Variants in PSD3 observed in about 807,000 individuals in gnomAD.
PSD3 encodes PH and SEC7 domain-containing protein 3.
PSD3 carries 49 observed loss-of-function variants against 105.5 expected under a neutral mutation model. The ratio of observed to expected loss-of-function variants is 0.46; its 90% CI spans 0.37 to 0.59. The LOEUF is 0.59. Among genes scored for constraint, PSD3 ranks in the 20% least tolerant of loss-of-function variants. PSD3 has a pLI of 0.00. For missense variants in PSD3, 1,561 were observed against 1,263.8 expected (o/e 1.24, Z -3.57); for synonymous variants, 557 against 457.8 (o/e 1.22, Z -2.77).
chr8:18,793,562 C>T (rs532475294), intron 8 of PSD3, among the ~76,000 whole-genome samples: 11 of 151,932 alleles, frequency 7.2e-5, no homozygotes, highest in Non-Finnish European at 1.5e-4. Context: ...AACACGGCAC[C>T]AAGGAGATAG....
At chr8:19,055,834 A>C (rs1828692673) in intron 1 of PSD3, among the ~76,000 whole-genome samples, 1 of 152,186 alleles carries the variant, frequency 6.6e-6, no homozygotes, top group Non-Finnish European at 1.5e-5. Context: ...GATTACATTA[A>C]ACTTGATTGG....
At chr8:18,723,171 G>C (rs1220450707) in intron 9 of PSD3, among the ~76,000 whole-genome samples, 1 of 152,186 alleles carries the variant, frequency 6.6e-6, no homozygotes, top group African/African-American at 2.4e-5. Context: ...TCCGTGGGCA[G>C]TGCATGAACC....
intron 4 of PSD3, among the ~76,000 whole-genome samples, chr8:18,807,837 G>A (rs777099723): frequency 6.6e-6 from 1 of 152,112 alleles, no homozygotes; most frequent in Non-Finnish European, 1.5e-5. Context: ...TGGGTGTGGT[G>A]GCTGAAACCT....
At chr8:18,544,575 T>A (rs1800347662) in intron 15 of PSD3, among the ~76,000 whole-genome samples, 1 of 152,164 alleles carries the variant, frequency 6.6e-6, no homozygotes, top group African/African-American at 2.4e-5. Context: ...AAAGTGTGAA[T>A]TCCGTTCTTT....
Position 18,648,784 on chromosome 8 carries a change from T to C in PSD3, c.2216+6858A>G, listed in dbSNP as rs117050452. Among the ~76,000 whole-genome samples, 237 of 152,336 alleles carry C rather than the reference T, an allele frequency of 1.6e-3. 3 individuals are homozygous for C. The East Asian group carries it at 0.031, about 20-fold the overall frequency. On this transcript the variant is annotated intron_variant, in intron 10 of 15. Coordinates refer to ENST00000327040, the MANE Select transcript of PSD3 (RefSeq NM_015310.4). The stretch of plus-strand genomic sequence containing the variant: ...TAGGCCAGTCCCCGGGAAGTTTCAC[T>C]GCCCTATACTGCTCCCTGCATCCCA...
chr8:18,821,223 C>G (rs1812672212), intron 4 of PSD3, among the ~76,000 whole-genome samples: 1 of 150,724 alleles, frequency 6.6e-6, no homozygotes, highest in East Asian at 1.9e-4. Flanking sequence ...GCCAATTCCT[C>G]AAACAAGACC....
chr8:18,645,118 G>C (rs1807937130), intron 10 of PSD3, among the ~76,000 whole-genome samples: 2 of 152,226 alleles, frequency 1.3e-5, no homozygotes, highest in African/African-American at 4.8e-5. Flanking sequence ...AATTAGGGCA[G>C]AGCCCTTTTC....
chr8:18,644,140 T>C (rs1170711272), intron 10 of PSD3, among the ~76,000 whole-genome samples: 1 of 152,252 alleles, frequency 6.6e-6, no homozygotes, highest in East Asian at 1.9e-4. Flanking sequence ...ATTGTCTTGA[T>C]CTCTTGTATC....
intron 12 of PSD3, among the ~76,000 whole-genome samples, chr8:18,588,771 TC>T (rs758980503): frequency 6.6e-6 from 1 of 152,168 alleles, no homozygotes; most frequent in Non-Finnish European, 1.5e-5. Context: ...CCATTCTCCA[TC>T]TTGATGACTC....
chr8:18,688,252 G>T (rs1399329350), intron 9 of PSD3, among the ~76,000 whole-genome samples: 1 of 142,416 alleles, frequency 7.0e-6, no homozygotes, highest in Admixed American at 6.8e-5. Flanking sequence ...GATCACGTCA[G>T]GCTGTTTGTT....
chr8:18,542,788 G>A (rs559550622), intron 15 of PSD3, among the ~76,000 whole-genome samples: 44 of 152,252 alleles, frequency 2.9e-4, no homozygotes, highest in Non-Finnish European at 5.0e-4. Flanking sequence ...GCCCTTTCAG[G>A]TATGTGTCTT....
chr8:18,909,068 T>C (rs1349302495), intron 2 of PSD3, among the ~76,000 whole-genome samples: 2 of 152,202 alleles, frequency 1.3e-5, no homozygotes, highest in African/African-American at 4.8e-5. Flanking sequence ...ATGACAATTG[T>C]TCCAAGGGTA....
chr8:18,719,833 T>C (rs529613349), intron 9 of PSD3, among the ~76,000 whole-genome samples: 3 of 152,342 alleles, frequency 2.0e-5, no homozygotes, highest in South Asian at 2.1e-4. Flanking sequence ...TATATCTAGA[T>C]AGCAAAACTC....
chr8:18,620,750 A>G (rs1414762374), intron 11 of PSD3, among the ~76,000 whole-genome samples: 3 of 152,166 alleles, frequency 2.0e-5, no homozygotes, highest in Non-Finnish European at 4.4e-5. Flanking sequence ...AGAGTTTGAT[A>G]TTTCCATTAA....
chr8:18,673,947 A>G (rs1799930435), intron 9 of PSD3, among the ~76,000 whole-genome samples: 6 of 152,046 alleles, frequency 3.9e-5, no homozygotes, highest in Admixed American at 3.9e-4. Flanking sequence ...TTAAAGACCA[A>G]CCTGGGAAAC....
At chr8:18,577,862 C>A (rs770586972) in intron 12 of PSD3, among the ~76,000 whole-genome samples, 2 of 152,072 alleles carry the variant, frequency 1.3e-5, no homozygotes, top group African/African-American at 2.4e-5. Flanking sequence ...TCCTCGCTCA[C>A]CTGCTTCTTT....
At chr8:18,976,039 T>G (rs929428616) in intron 1 of PSD3, among the ~76,000 whole-genome samples, 119 of 152,194 alleles carry the variant, frequency 7.8e-4, no homozygotes, top group African/African-American at 2.8e-3. Flanking sequence ...AATAAATGGA[T>G]GCTCTTGACA....
upstream of PSD3, among the ~76,000 whole-genome samples, chr8:19,014,682 G>A (rs926297232): frequency 2.0e-5 from 3 of 152,202 alleles, no homozygotes; most frequent in African/African-American, 7.2e-5. The surrounding 1 kb of genome is among the most constrained non-coding windows in gnomAD (Gnocchi z 4.9). Context: ...GGTAGAAGAC[G>A]CCCCAATAAC....
chr8:18,925,571 T>C (rs1447658604), intron 2 of PSD3, among the ~76,000 whole-genome samples: 1 of 151,662 alleles, frequency 6.6e-6, no homozygotes, highest in Non-Finnish European at 1.5e-5. Context: ...AACGTTGGAG[T>C]GCCAACGTAA....
Sources: allele counts gnomAD v4.1 joint callset (sites outside exome capture counted in the v4.1 genomes callset), GRCh38; gene constraint gnomAD v4.1.1; non-coding constraint Gnocchi (gnomAD v3.1); transcripts MANE v1.5; gene names NCBI Gene and HGNC (gene_info 2026-07-23, HGNC 2026-07-21).